PSMA4: variants seen among roughly 807,000 people sequenced by gnomAD.
PSMA4 encodes proteasome subunit alpha type-4.
A neutral mutation model predicts 37.2 loss-of-function variants in PSMA4; 8 were observed. The observed-to-expected ratio is 0.22, with a 90% CI of 0.13 to 0.39. PSMA4 has a LOEUF of 0.39. PSMA4 is among the 10% of genes least tolerant of loss of function. The pLI is 1.00. For synonymous variants in PSMA4, 93 were observed against 98.8 expected (o/e 0.94, Z 0.35); for missense variants, 169 against 305.1 (o/e 0.55, Z 3.32).
In PSMA4 at chr15:78,546,641, T is replaced by C. The variant is rs1190276180; in HGVS notation, c.574T>C (p.Leu192=). The change falls in exon 8 of 9, where the codon TTA becomes CTA. Residue 192 remains leucine, a synonymous_variant. Coordinates refer to ENST00000044462, the MANE Select transcript of PSMA4 (RefSeq NM_002789.6). The part of the protein sequence containing the change: ...GEMTLKSALA[L]AIKVLNKTMD... ...AATGACCTTGAAGTCAGCACTTGCTTTAGCTATCAAAGTACTAAATAAGAC... is the reference window on the plus strand; with the variant it reads ...AATGACCTTGAAGTCAGCACTTGCTCTAGCTATCAAAGTACTAAATAAGAC... The C allele has an allele frequency of 6.2e-7, 1 of 1,605,398 alleles. No individual in the cohort carries two copies. Among genetic ancestry groups the C allele is most frequent in the East Asian group, 2.2e-5 (1 of 44,760 alleles).
At position 78,541,935 on chromosome 15, in the gene PSMA4, G is replaced by A. The variant is rs1414256372; in HGVS notation, c.3+5G>A. On this transcript the variant is annotated splice_donor_5th_base_variant and intron_variant, in intron 2 of 8. Transcript: ENST00000044462. ...ATATAAAGTTCAGAAAACATGGTGA[G>A]TTAATACACATGCCAATAAACGGTT... 1 of 1,596,300 alleles carries A rather than the reference G, an allele frequency of 6.3e-7. No individual in the cohort carries two copies. The highest frequency in any genetic ancestry group is 8.6e-7 in the Non-Finnish European group (1 of 1,168,652).
chr15:78,542,537 G>A lies in PSMA4; in HGVS notation c.101G>A (p.Cys34Tyr), dbSNP rs1169076506. The A allele has an allele frequency of 6.2e-7, 1 of 1,614,206 alleles. No individual in the cohort carries two copies. Among genetic ancestry groups the A allele is most frequent in the Non-Finnish European group, 8.5e-7 (1 of 1,180,032 alleles). ...GAAGCTATTGGACATGCAGGCACCT[G>A]TTTGGGAATTTTAGCAAATGATGGT... ...AMEAIGHAGT[C>Y]LGILANDGVL... Residue 34 changes from cysteine (C) to tyrosine (Y), a missense_variant, in exon 4 of 9, where the codon TGT (cysteine) becomes TAT (tyrosine). Cys to Tyr is a radical substitution (Grantham distance 194, BLOSUM62 -2). Transcript: ENST00000044462.
At chr15:78,548,172 A>G (rs2052589286) in intron 8 of PSMA4, among the ~76,000 whole-genome samples, 1 of 152,120 alleles carries the variant, frequency 6.6e-6, no homozygotes, top group African/African-American at 2.4e-5. Flanking sequence ...TGGAGGTTGC[A>G]GTGAGCCGAG....
At position 78,551,699 on chromosome 15, in the gene PSMA4, G is replaced by T. The variant is rs774941630; in HGVS notation, c.*2755G>T. 6.6e-6 allele frequency: 1 copy of T among 151,966 alleles called. No individual in the cohort carries two copies. Among genetic ancestry groups the T allele is most frequent in the African/African-American group, 2.4e-5 (1 of 41,336 alleles). 9.4% of individuals were successfully genotyped at this position (151,966 alleles called of 1,614,324 possible). On this transcript the variant is annotated 3_prime_UTR_variant, in exon 9 of 9. Coordinates refer to ENST00000044462, the MANE Select transcript of PSMA4 (RefSeq NM_002789.6). Reference sequence around the variant, plus strand: ...TAGAACAGAAACTGGCACGTGTTAGGCAACAAATAAGTACTGATGAATGAA... The same window carrying T: ...TAGAACAGAAACTGGCACGTGTTAGTCAACAAATAAGTACTGATGAATGAA...
Position 78,545,639 on chromosome 15 carries a change from C to T in PSMA4, c.382C>T (p.Arg128Cys). 1 of 1,613,570 alleles carries T rather than the reference C, an allele frequency of 6.2e-7. No individual in the cohort carries two copies. The highest frequency in any genetic ancestry group is 1.1e-5 in the South Asian group (1 of 91,066). Residue 128 changes from arginine (R) to cysteine (C), a missense_variant, in exon 7 of 9, where the codon CGT (arginine) becomes TGT (cysteine). Coordinates refer to ENST00000044462, the MANE Select transcript of PSMA4 (RefSeq NM_002789.6). ...GCTTTTTTTCTTTGTTAAAGGAAAACGTCCCTTTGGTGTTTCATTGCTGTA... is the reference window on the plus strand; with the variant it reads ...GCTTTTTTTCTTTGTTAAAGGAAAATGTCCCTTTGGTGTTTCATTGCTGTA... ...KQAYTQFGGKRPFGVSLLYIG... is the reference protein window; with the variant it reads ...KQAYTQFGGKCPFGVSLLYIG...
intron 7 of PSMA4, 126 bp from the exon 8 acceptor site, chr15:78,546,449 A>C (rs1596045092): frequency 1.3e-5 from 1 of 74,798 alleles, no homozygotes; most frequent in Non-Finnish European, 3.1e-5. Context: ...CCCCTGTGTC[A>C]AAAAAAAAAA....
intron 8 of PSMA4, among the ~76,000 whole-genome samples, chr15:78,546,917 C>T (rs1324941220): frequency 6.6e-6 from 1 of 152,154 alleles, no homozygotes; most frequent in Non-Finnish European, 1.5e-5. Flanking sequence ...AGGCTCGCGC[C>T]ACCATGCCCA....
In PSMA4 at chr15:78,542,162, G is replaced by C; in HGVS notation, c.4-15G>C. On this transcript the variant is annotated splice_polypyrimidine_tract_variant and intron_variant, in intron 2 of 8. Coordinates refer to ENST00000044462, the MANE Select transcript of PSMA4 (RefSeq NM_002789.6). ...TTCAGTGGGTAGGAATCACTCATGT[G>C]TTTTTCCTTTGCAGTCTCGAAGATA... 1 of 1,611,710 alleles carries C rather than the reference G, an allele frequency of 6.2e-7. No homozygotes were observed. The highest frequency in any genetic ancestry group is 8.5e-7 in the Non-Finnish European group (1 of 1,178,634).
chr15:78,551,238 A>G lies in PSMA4; in HGVS notation c.*2294A>G, dbSNP rs2052639043. On this transcript the variant is annotated 3_prime_UTR_variant, in exon 9 of 9. Coordinates refer to ENST00000044462, the MANE Select transcript of PSMA4 (RefSeq NM_002789.6). ...GCTCAAAACCCTCCAATGGCTTCCC[A>G]TCTTGCTCAGTAAGAGTCAAATTCT... 1 of 152,194 alleles carries G rather than the reference A, an allele frequency of 6.6e-6. No individual in the cohort carries two copies. Among genetic ancestry groups the G allele is most frequent in the Admixed American group, 6.5e-5 (1 of 15,286 alleles). 9.4% of individuals were successfully genotyped at this position (152,194 alleles called of 1,614,324 possible). A position where few individuals can be genotyped will look rare whatever the true frequency, so the allele number is the denominator to read the frequency against.
At chr15:78,548,298 G>A (rs1422388355) in intron 8 of PSMA4, among the ~76,000 whole-genome samples, 1 of 151,830 alleles carries the variant, frequency 6.6e-6, no homozygotes, top group Non-Finnish European at 1.5e-5. Flanking sequence ...CTTCCACCCA[G>A]TTTCAAGGAA....
At chr15:78,545,901 T>C in intron 7 of PSMA4, 137 bp downstream of exon 7, 1 of 975,718 alleles carries the variant, frequency 1.0e-6, no homozygotes, top group East Asian at 2.5e-5. Context: ...CTGTGATTTC[T>C]GTTGGTGACA....
At chr15:78,547,092 A>G (rs1014290966) in intron 8 of PSMA4, among the ~76,000 whole-genome samples, 4 of 152,198 alleles carry the variant, frequency 2.6e-5, no homozygotes, top group African/African-American at 9.6e-5. Flanking sequence ...TTAACATGTC[A>G]TCCTAGTTCA....
chr15:78,546,432 G>C, intron 7 of PSMA4, 143 bp from the exon 8 acceptor site: 1 of 631,114 alleles, frequency 1.6e-6, no homozygotes, highest in Non-Finnish European at 2.6e-6. Context: ...CTGGGCAACA[G>C]AGTGAGCCCC....
chr15:78,543,176 G>T (rs2052485557), intron 4 of PSMA4, among the ~76,000 whole-genome samples: 1 of 152,176 alleles, frequency 6.6e-6, no homozygotes, highest in Non-Finnish European at 1.5e-5. Flanking sequence ...TGTTATATTT[G>T]AGTGTGCAGA....
chr15:78,541,670 C>T, intron 1 of PSMA4: 1 of 492,830 alleles, frequency 2.0e-6, no homozygotes, highest in Admixed American at 3.9e-5. Flanking sequence ...CTTTTCCCAC[C>T]CTACCCCCGG....
In PSMA4 at chr15:78,549,233, C is replaced by T. The variant is rs2052610503; in HGVS notation, c.*289C>T. On this transcript the variant is annotated 3_prime_UTR_variant, in exon 9 of 9. Transcript: ENST00000044462. The stretch of plus-strand genomic sequence containing the variant: ...TCTGTAGCAGTAATTGTTAAATATA[C>T]AAAAACTGACAGGGCGATTACTTTT... 4 of 235,330 alleles carry T rather than the reference C, an allele frequency of 1.7e-5. No homozygotes were observed. Among genetic ancestry groups the T allele is most frequent in the Non-Finnish European group, 3.1e-5 (4 of 129,368 alleles). 14.6% of individuals were successfully genotyped at this position (235,330 alleles called of 1,614,324 possible). A position where few individuals can be genotyped will look rare whatever the true frequency, so the allele number is the denominator to read the frequency against.
At position 78,548,869 on chromosome 15, in the gene PSMA4, C is replaced by A. The variant is rs760336922; in HGVS notation, c.711C>A (p.Ile237=). The A allele has an allele frequency of 6.2e-7, 1 of 1,610,892 alleles. No homozygotes were observed. The highest frequency in any genetic ancestry group is 8.5e-7 in the Non-Finnish European group (1 of 1,178,446). Residue 237 remains isoleucine (I), a synonymous_variant, in exon 9 of 9, where the codon ATC becomes ATA. Transcript: ENST00000044462. ...AACAAAAAGAAGTGGAGCAGTTGAT[C>A]AAAAAACATGAGGAAGAAGAAGCCA... The part of the protein sequence containing the change: ...VLKQKEVEQL[I]KKHEEEEAKA...
rs2052520408 is a variant in PSMA4 at position 78,544,676 on chromosome 15, AT to A, written c.288-186del. 6.1e-6 allele frequency: 3 copies of A among 492,682 alleles called. No homozygotes were observed. In the South Asian group the frequency reaches 1.1e-4, roughly 18 times the overall value. The allele number at this position is 492,682 out of a possible 1,614,324, so 30.5% of individuals were successfully genotyped here. The stretch of plus-strand genomic sequence containing the variant: ...AAAATCTTTGAATTGAAAATTACAG[AT>A]TTTTTTCAACCAAACTTACAAAATA... On this transcript the variant is annotated intron_variant, in intron 5 of 8. Coordinates refer to ENST00000044462, the MANE Select transcript of PSMA4 (RefSeq NM_002789.6).
rs1005735007 is a variant in PSMA4 at position 78,551,403 on chromosome 15, T to C, written c.*2459T>C. On this transcript the variant is annotated 3_prime_UTR_variant, in exon 9 of 9. Transcript: ENST00000044462. ...TCCCCTCACATCACTTGCCAATCCC[T>C]CTGCCTTGGGAATGCTCTTCCTGGG... The C allele has an allele frequency of 1.3e-4, 20 of 151,976 alleles. No homozygotes were observed. The highest frequency in any genetic ancestry group is 4.8e-4 in the African/African-American group (20 of 41,350). 9.4% of individuals were successfully genotyped at this position (151,976 alleles called of 1,614,324 possible).
Sources: gnomAD v4.1 joint callset for allele counts (sites outside exome capture counted in the v4.1 genomes callset) on GRCh38, gnomAD v4.1.1 for gene constraint, MANE v1.5 for transcripts, NCBI Gene and HGNC (gene_info 2026-07-23, HGNC 2026-07-21) for gene names.